The following CLHC1 variants were observed in gnomAD, a reference collection of about 807,000 sequenced individuals.
The protein encoded by CLHC1 is clathrin heavy chain linker domain-containing protein 1.
A neutral mutation model predicts 69.5 loss-of-function variants in CLHC1; 72 were observed. The ratio of observed to expected loss-of-function variants is 1.04; its 90% CI spans 0.86 to 1.26. The LOEUF (loss-of-function observed/expected upper bound fraction) is 1.26. Among genes scored for constraint, CLHC1 ranks in the 50% most tolerant of loss-of-function variants. The probability of loss-of-function intolerance (pLI) is 0.00; values close to 1 mark genes in which losing one functional copy is unlikely to be tolerated. For missense variants in CLHC1, 790 were observed against 679.3 expected (o/e 1.16, Z -1.81); for synonymous variants, 223 against 224.3 (o/e 0.99, Z 0.05).
At chr2:55,222,196 C>A (rs770868286) in intron 3 of CLHC1, 39 bp downstream of exon 3, 2 of 1,425,462 alleles carry the variant, frequency 1.4e-6, no homozygotes, top group East Asian at 2.3e-5. Flanking sequence ...TCATTGCTAT[C>A]CTCATGAAAA....
intron 4 of CLHC1, among the ~76,000 whole-genome samples, chr2:55,213,784 A>G (rs191701697): frequency 1.0e-3 from 157 of 152,284 alleles, no homozygotes; most frequent in Middle Eastern, 3.4e-3. Flanking sequence ...ACTTTTTTCA[A>G]GAGGGGCCAT....
chr2:55,229,018 G>A (rs1330665392), intron 1 of CLHC1, among the ~76,000 whole-genome samples: 1 of 152,024 alleles, frequency 6.6e-6, no homozygotes, highest in African/African-American at 2.4e-5. Context: ...GGGCGCAGGG[G>A]CTCACACCTA....
chr2:55,208,811 C>G, intron 7 of CLHC1, 101 bp from the exon 8 acceptor site: 1 of 690,120 alleles, frequency 1.4e-6, no homozygotes, highest in Non-Finnish European at 2.5e-6. Flanking sequence ...ATTGCTATGG[C>G]TCCTAACAGC....
In CLHC1 at chr2:55,217,895, C is replaced by A. The variant is rs765364300; in HGVS notation, c.281G>T (p.Cys94Phe). The change falls in exon 4 of 13, where the codon TGT becomes TTT. Residue 94 changes from cysteine (C) to phenylalanine (F), a missense_variant. Cys to Phe is a radical substitution (Grantham distance 205). Coordinates refer to ENST00000401408, the MANE Select transcript of CLHC1 (RefSeq NM_152385.4). ...TIKKDRRTTF[C>F]LHGKLKGLAA... The stretch of plus-strand genomic sequence containing the variant: ...CAAACCTTTAAGTTTTCCATGAAGA[C>A]AAAATGTAGTTCTTCGGTCTTTCTT... 1.1e-5 allele frequency: 17 copies of A among 1,605,254 alleles called. No homozygotes were observed. Among genetic ancestry groups the A allele is most frequent in the Non-Finnish European group, 1.3e-5 (15 of 1,176,068 alleles).
chr2:55,221,410 T>G (rs1327800941), intron 3 of CLHC1, among the ~76,000 whole-genome samples: 3 of 152,228 alleles, frequency 2.0e-5, no homozygotes, highest in Non-Finnish European at 4.4e-5. Context: ...TTTTCTAAGC[T>G]GATCTCCCTA....
intron 4 of CLHC1, among the ~76,000 whole-genome samples, chr2:55,217,400 G>A (rs1221365705): frequency 6.7e-6 from 1 of 149,294 alleles, no homozygotes; most frequent in Non-Finnish European, 1.5e-5. Flanking sequence ...GCATGCACCT[G>A]TAGTCCCAGC....
intron 2 of CLHC1, among the ~76,000 whole-genome samples, chr2:55,227,564 G>A (rs908664822): frequency 6.6e-6 from 1 of 151,630 alleles, no homozygotes; most frequent in Non-Finnish European, 1.5e-5. Context: ...TATAATCCCA[G>A]CTACTCAGGA....
At chr2:55,191,370 G>A (rs1005791931) in intron 9 of CLHC1, among the ~76,000 whole-genome samples, 1 of 152,078 alleles carries the variant, frequency 6.6e-6, no homozygotes, top group African/African-American at 2.4e-5. Context: ...CAAGTAGCTG[G>A]GATTACAGGT....
chr2:55,181,261 G>A (rs1669906799), intron 10 of CLHC1, among the ~76,000 whole-genome samples: 1 of 152,070 alleles, frequency 6.6e-6, no homozygotes, highest in African/African-American at 2.4e-5. Context: ...GATTACAGGT[G>A]TGAGCTGCTG....
chr2:55,184,911 A>C (rs1297547744), intron 9 of CLHC1, among the ~76,000 whole-genome samples: 1 of 128,798 alleles, frequency 7.8e-6, no homozygotes, highest in Non-Finnish European at 1.6e-5. Context: ...TCTCAAAAAA[A>C]AAAACAAAAC....
At chr2:55,178,738 T>A (rs1281202667) in intron 11 of CLHC1, among the ~76,000 whole-genome samples, 3 of 152,112 alleles carry the variant, frequency 2.0e-5, no homozygotes, top group Admixed American at 2.0e-4. Flanking sequence ...ATTTTCAGAA[T>A]AACTTCTGAG....
intron 11 of CLHC1, among the ~76,000 whole-genome samples, chr2:55,178,433 A>G (rs1669611203): frequency 6.6e-6 from 1 of 152,210 alleles, no homozygotes; most frequent in Non-Finnish European, 1.5e-5. Context: ...TATTGGGTTA[A>G]CCCAATAGTT....
At chr2:55,231,562 A>G (rs1558533261) in intron 1 of CLHC1, among the ~76,000 whole-genome samples, 1 of 152,138 alleles carries the variant, frequency 6.6e-6, no homozygotes, top group Non-Finnish European at 1.5e-5. Flanking sequence ...TAGATTCGGA[A>G]CCCCTACAAG....
chr2:55,198,735 T>G (rs1671663872), intron 9 of CLHC1, among the ~76,000 whole-genome samples: 1 of 151,972 alleles, frequency 6.6e-6, no homozygotes, highest in Non-Finnish European at 1.5e-5. Flanking sequence ...CTCCCAAAGG[T>G]CAAGGATAAA....
intron 11 of CLHC1, among the ~76,000 whole-genome samples, chr2:55,179,967 A>T (rs1308059936): frequency 1.3e-5 from 2 of 152,106 alleles, no homozygotes; most frequent in Non-Finnish European, 2.9e-5. Flanking sequence ...ATCCTGGCTA[A>T]CACGGTGAAA....
chr2:55,221,871 G>A (rs2104060882), intron 3 of CLHC1, among the ~76,000 whole-genome samples: 1 of 152,306 alleles, frequency 6.6e-6, no homozygotes, highest in Admixed American at 6.5e-5. Context: ...CAGCTATACA[G>A]GAGGCTGAGG....
rs374344434 is a variant in CLHC1, at chr2:55,180,709, C to T, written c.1185G>A (p.Leu395=). ...CATCCCCAGCCTCCTCAGAAAATGT[C>T]AGTCTAGAACAAGCAGATCAATAAG... is the stretch of plus-strand genomic sequence containing the variant. ...LVTNWVTQER[L]TFSEEAGDVI... Residue 395 remains leucine, a synonymous_variant, in exon 11 of 13, where the codon CTG becomes CTA. Transcript: ENST00000401408. The T allele has an allele frequency of 3.1e-6, 5 of 1,613,384 alleles. No homozygotes were observed. In the African/African-American group the frequency reaches 6.7e-5, roughly 22 times the overall value.
At chr2:55,209,275 G>GT in intron 7 of CLHC1, 129 bp downstream of exon 7, 4 of 622,950 alleles carry the variant, frequency 6.4e-6, no homozygotes, top group South Asian at 4.2e-5. Context: ...AACCCATAGC[G>GT]TAACAGACAA....
intron 9 of CLHC1, among the ~76,000 whole-genome samples, chr2:55,182,870 C>T (rs1413152170): frequency 6.6e-6 from 1 of 152,012 alleles, no homozygotes; most frequent in Non-Finnish European, 1.5e-5. Flanking sequence ...TGGGGGTACA[C>T]ACCACCAGAA....
Sources: allele counts gnomAD v4.1 joint callset (sites outside exome capture counted in the v4.1 genomes callset), GRCh38; gene constraint gnomAD v4.1.1; transcripts MANE v1.5; gene names NCBI Gene and HGNC (gene_info 2026-07-23, HGNC 2026-07-21).